The following SH3RF3 variants were observed in gnomAD, a reference collection of about 807,000 sequenced individuals.
SH3RF3 encodes the protein E3 ubiquitin-protein ligase SH3RF3.
In SH3RF3, 29 loss-of-function variants were observed where a neutral mutation model predicts 66.3. That is an observed-to-expected ratio of 0.44 (90% CI 0.33 to 0.60). The LOEUF is 0.60. Ranked by LOEUF, SH3RF3 falls within the 20% of genes least tolerant of loss-of-function variation. The probability of loss-of-function intolerance (pLI) is 0.04; values close to 1 mark genes in which losing one functional copy is unlikely to be tolerated. For missense variants in SH3RF3, 1,194 were observed against 1,190.9 expected, an observed-to-expected ratio of 1.00 and a Z score of -0.04; for synonymous variants, 583 against 532.0, an observed-to-expected ratio of 1.10 and a Z score of -1.32.
At chr2:109,214,132 C>T (rs1050548587) in intron 1 of SH3RF3, among the ~76,000 whole-genome samples, 4 of 152,270 alleles carry the variant, frequency 2.6e-5, no homozygotes, top group South Asian at 4.1e-4. Flanking sequence ...CGGGTGCCCC[C>T]ATGCTGCGTC....
rs148121986 is a variant in SH3RF3, at chr2:109,240,040, G to T, written c.574-107634G>T. Among the ~76,000 whole-genome samples, 407 of 152,298 alleles carry T rather than the reference G, an allele frequency of 2.7e-3. 2 individuals are homozygous for T. The highest frequency in any genetic ancestry group is 9.4e-3 in the African/African-American group (391 of 41,552). On this transcript the variant is annotated intron_variant, in intron 1 of 9. Coordinates refer to ENST00000309415, the MANE Select transcript of SH3RF3 (RefSeq NM_001099289.3). Reference sequence around the variant, plus strand: ...GTCACTTGTCTGTAGTGGTGGCCGGGGCTCTGGCCCAGACCCTTCTCTGTT... The same window carrying T: ...GTCACTTGTCTGTAGTGGTGGCCGGTGCTCTGGCCCAGACCCTTCTCTGTT...
intron 1 of SH3RF3, among the ~76,000 whole-genome samples, chr2:109,204,257 T>C (rs997819411): frequency 3.3e-5 from 5 of 152,248 alleles, no homozygotes; most frequent in African/African-American, 4.8e-5. Flanking sequence ...ACTTTGCTTA[T>C]GCCCTGTTGC....
At chr2:109,499,223 C>A (rs74792405) in intron 9 of SH3RF3, among the ~76,000 whole-genome samples, 6,557 of 152,230 alleles carry the variant, frequency 0.043, 192 homozygotes, top group Non-Finnish European at 0.066. Flanking sequence ...TCCTAGACAG[C>A]CTCGGCGTCT....
intron 8 of SH3RF3, among the ~76,000 whole-genome samples, chr2:109,488,213 T>A (rs1183509454): frequency 6.6e-6 from 1 of 152,126 alleles, no homozygotes; most frequent in Non-Finnish European, 1.5e-5. Flanking sequence ...CTGATGACAT[T>A]TGAGGCCAGA....
chr2:109,221,056 A>G (rs1679225068), intron 1 of SH3RF3, among the ~76,000 whole-genome samples: 1 of 152,250 alleles, frequency 6.6e-6, no homozygotes, highest in Non-Finnish European at 1.5e-5. Context: ...TACACAGTTG[A>G]GGAATATTCA....
intron 5 of SH3RF3, among the ~76,000 whole-genome samples, chr2:109,420,549 A>T (rs113142997): frequency 5.9e-5 from 9 of 152,038 alleles, no homozygotes; most frequent in Non-Finnish European, 1.3e-4. Flanking sequence ...AGGTTCACGC[A>T]ATTCTCCTGC....
rs142226764 is a variant in SH3RF3, at chr2:109,234,300, T to C, written c.573+104187T>C. Reference sequence around the variant, plus strand: ...ATGCACCTTTCATGGACAGTTCATATAGGAAAACTTTAGGTTAGATGAAGT... The same window carrying C: ...ATGCACCTTTCATGGACAGTTCATACAGGAAAACTTTAGGTTAGATGAAGT... On this transcript the variant is annotated intron_variant, in intron 1 of 9. Transcript: ENST00000309415. 7.3e-3 allele frequency among the ~76,000 whole-genome samples: 1,119 copies of C among 152,350 alleles called. 8 individuals carry two copies. Among genetic ancestry groups the C allele is most frequent in the South Asian group, 0.023 (113 of 4,830 alleles).
intron 1 of SH3RF3, among the ~76,000 whole-genome samples, chr2:109,220,572 T>C (rs1418817665): frequency 6.6e-6 from 1 of 152,184 alleles, no homozygotes; most frequent in Non-Finnish European, 1.5e-5. Flanking sequence ...CTTCTATAAC[T>C]CAATAATTTA....
At chr2:109,458,601 A>AGAGAGAGAG (rs1553524376) in intron 8 of SH3RF3, among the ~76,000 whole-genome samples, 8 of 148,916 alleles carry the variant, frequency 5.4e-5, no homozygotes, top group East Asian at 2.0e-4. Context: ...AGAGAGAGAG[A>AGAGAGAGAG]ATTTATTTAT....
At chr2:109,212,126 C>T (rs1031851279) in intron 1 of SH3RF3, among the ~76,000 whole-genome samples, 1 of 152,146 alleles carries the variant, frequency 6.6e-6, no homozygotes, top group Non-Finnish European at 1.5e-5. Context: ...GGGCAATGGT[C>T]CGAATCGAGC....
At chr2:109,397,413 T>C (rs553622930) in intron 3 of SH3RF3, among the ~76,000 whole-genome samples, 2 of 152,270 alleles carry the variant, frequency 1.3e-5, no homozygotes, top group African/African-American at 2.4e-5. Context: ...GATTCTAGTA[T>C]CATAGTTTCT....
intron 2 of SH3RF3, among the ~76,000 whole-genome samples, chr2:109,352,081 C>T (rs1682850672): frequency 6.6e-6 from 1 of 152,178 alleles, no homozygotes; most frequent in Non-Finnish European, 1.5e-5. Flanking sequence ...GTGACTCGAA[C>T]ATTTACTTAG....
At chr2:109,454,595 T>C (rs1677986315) in intron 8 of SH3RF3, among the ~76,000 whole-genome samples, 1 of 152,174 alleles carries the variant, frequency 6.6e-6, no homozygotes, top group East Asian at 1.9e-4. Context: ...GGCCTGGCCA[T>C]GAGTTCCACA....
intron 1 of SH3RF3, among the ~76,000 whole-genome samples, chr2:109,137,879 C>T (rs1365142854): frequency 1.3e-5 from 2 of 152,236 alleles, no homozygotes; most frequent in African/African-American, 4.8e-5. Context: ...TTGGAGTGCT[C>T]ACCCATGTGG....
At chr2:109,230,896 C>T (rs1679498917) in intron 1 of SH3RF3, among the ~76,000 whole-genome samples, 1 of 152,210 alleles carries the variant, frequency 6.6e-6, no homozygotes. Context: ...GCTTTGGGGG[C>T]TTCTCCCATC....
chr2:109,152,889 G>A (rs886557681), intron 1 of SH3RF3, among the ~76,000 whole-genome samples: 3 of 152,152 alleles, frequency 2.0e-5, no homozygotes, highest in Non-Finnish European at 4.4e-5. Context: ...CTTGCTCCTT[G>A]TTCTCGATGG....
Position 109,375,894 on chromosome 2 carries a change from G to A in SH3RF3, c.945+4213G>A, listed in dbSNP as rs138482654. Among the ~76,000 whole-genome samples the A allele has an allele frequency of 3.3e-3, 505 of 152,352 alleles. 5 individuals carry two copies. Among genetic ancestry groups the A allele is most frequent in the African/African-American group, 0.011 (455 of 41,582 alleles). On this transcript the variant is annotated intron_variant, in intron 3 of 9. Transcript: ENST00000309415. Reference sequence around the variant, plus strand: ...AGTTCAGGGCGATGCGGGCTTCAGAGCAGACCTGGCTGGGCCCAGCTTGTC... The same window carrying A: ...AGTTCAGGGCGATGCGGGCTTCAGAACAGACCTGGCTGGGCCCAGCTTGTC...
intron 9 of SH3RF3, among the ~76,000 whole-genome samples, chr2:109,492,118 A>G (rs145444309): frequency 0.083 from 12,638 of 152,262 alleles, 676 homozygotes; most frequent in African/African-American, 0.15. Context: ...GTGGCCACAC[A>G]CTGTATGTAG....
At chr2:109,218,832 A>G (rs1679160328) in intron 1 of SH3RF3, among the ~76,000 whole-genome samples, 1 of 152,204 alleles carries the variant, frequency 6.6e-6, no homozygotes, top group Non-Finnish European at 1.5e-5. Context: ...GAGGTGATTA[A>G]TCAAACACAC....
Sources: allele counts gnomAD v4.1 joint callset (sites outside exome capture counted in the v4.1 genomes callset), GRCh38; gene constraint gnomAD v4.1.1; transcripts MANE v1.5; gene names NCBI Gene and HGNC (gene_info 2026-07-23, HGNC 2026-07-21).